The following PARD3B variants were observed in gnomAD, a reference collection of about 807,000 sequenced individuals.
The protein encoded by PARD3B is par-3 family cell polarity regulator beta, also known as partitioning defective 3 homolog B.
A neutral mutation model predicts 130.2 loss-of-function variants in PARD3B; 103 were observed. That is an observed-to-expected ratio of 0.79 (90% confidence interval 0.67 to 0.93). PARD3B has a LOEUF of 0.93. Among genes scored for constraint, PARD3B ranks in the 40% least tolerant of loss-of-function variants. PARD3B has a pLI of 0.00. For missense variants in PARD3B, 1,609 were observed against 1,499.2 expected, an observed-to-expected ratio of 1.07 and a Z score of -1.21; for synonymous variants, 583 against 553.2, an observed-to-expected ratio of 1.05 and a Z score of -0.76.
At chr2:205,344,877 G>C (rs554538585) in intron 18 of PARD3B, among the ~76,000 whole-genome samples, 77 of 152,280 alleles carry the variant, frequency 5.1e-4, no homozygotes, top group African/African-American at 1.8e-3. Context: ...TATTCTAAAA[G>C]CTCACGTCTG....
intron 1 of PARD3B, among the ~76,000 whole-genome samples, chr2:204,635,892 C>A (rs938809915): frequency 1.2e-4 from 18 of 152,146 alleles, no homozygotes; most frequent in African/African-American, 3.9e-4. Flanking sequence ...AACCACTATA[C>A]TTTTGATTAG....
At chr2:204,855,304 G>GA (rs756243415) in intron 2 of PARD3B, among the ~76,000 whole-genome samples, 1 of 152,028 alleles carries the variant, frequency 6.6e-6, no homozygotes, top group Non-Finnish European at 1.5e-5. Context: ...CAGCACTTTG[G>GA]GAGGCCAAGC....
intron 15 of PARD3B, among the ~76,000 whole-genome samples, chr2:205,206,270 G>C (rs10190811): frequency 0.46 from 67,659 of 146,016 alleles, 15,878 homozygotes; most frequent in Admixed American, 0.54. Context: ...CATTGTGCAG[G>C]TTAGTTACAC....
In PARD3B at chr2:205,049,885, G is replaced by T. The variant is rs182112493; in HGVS notation, c.504+2195G>T. Among the ~76,000 whole-genome samples, 686 of 152,252 alleles carry T rather than the reference G, an allele frequency of 4.5e-3. 3 individuals carry two copies. Among genetic ancestry groups the T allele is most frequent in the Non-Finnish European group, 7.6e-3 (515 of 68,030 alleles). Reference sequence around the variant, plus strand: ...TCCTTTCCTCATAGTGTCCTCTGTGGATGATGGAGTGCAGACCACAGACCC... The same window carrying T: ...TCCTTTCCTCATAGTGTCCTCTGTGTATGATGGAGTGCAGACCACAGACCC... On this transcript the variant is annotated intron_variant, in intron 4 of 22. Transcript: ENST00000406610.
At chr2:205,497,858 T>A (rs1188208385) in intron 20 of PARD3B, among the ~76,000 whole-genome samples, 1 of 152,076 alleles carries the variant, frequency 6.6e-6, no homozygotes, top group Non-Finnish European at 1.5e-5. Flanking sequence ...TATGCTTCTG[T>A]CATTATTAGA....
intron 1 of PARD3B, among the ~76,000 whole-genome samples, chr2:204,634,556 G>C (rs2034804037): frequency 6.6e-6 from 1 of 151,900 alleles, no homozygotes; most frequent in Non-Finnish European, 1.5e-5. Flanking sequence ...CCTCCTTTTT[G>C]ATCTTGCAAT....
chr2:205,610,699 C>A (rs1251232026), intron 22 of PARD3B, among the ~76,000 whole-genome samples: 1 of 152,152 alleles, frequency 6.6e-6, no homozygotes, highest in Non-Finnish European at 1.5e-5. Flanking sequence ...AATAAAATAA[C>A]CTCTACCCTG....
rs2035939890 is a variant in PARD3B at position 205,183,817 on chromosome 2, CA to C, written c.1925-1946del. ...GAATTGGCTCACATGGCCATGGAGA[CA>C]GGCACATCCCAGGATCTGCAGGATG... is the stretch of plus-strand genomic sequence containing the variant. On this transcript the variant is annotated intron_variant, in intron 13 of 22. Coordinates refer to ENST00000406610, the MANE Select transcript of PARD3B (RefSeq NM_001302769.2). The surrounding 1 kb of genome is among the most constrained non-coding windows in gnomAD (Gnocchi z 5.2). Among the ~76,000 whole-genome samples, 1 of 150,614 alleles carries C rather than the reference CA, an allele frequency of 6.6e-6. No individual in the cohort carries two copies. Among genetic ancestry groups the C allele is most frequent in the Non-Finnish European group, 1.5e-5 (1 of 67,870 alleles).
intron 19 of PARD3B, among the ~76,000 whole-genome samples, chr2:205,414,069 T>G (rs2106064298): frequency 6.6e-6 from 1 of 152,238 alleles, no homozygotes; most frequent in East Asian, 1.9e-4. Flanking sequence ...GATTGTATTT[T>G]GGGGGCAGGC....
At chr2:204,953,449 A>AGAGAGAGG (rs1553566393) in intron 2 of PARD3B, among the ~76,000 whole-genome samples, 234 of 150,050 alleles carry the variant, frequency 1.6e-3, no homozygotes, top group African/African-American at 3.7e-3. Context: ...AGAGAGAGAG[A>AGAGAGAGG]GAGAGAGAGA....
intron 3 of PARD3B, among the ~76,000 whole-genome samples, chr2:205,004,378 A>G (rs1363765540): frequency 1.3e-5 from 2 of 152,072 alleles, no homozygotes; most frequent in South Asian, 4.1e-4. Context: ...ACCAGGTATT[A>G]TTTTTTTTAG....
chr2:204,833,500 C>T (rs1209494239), intron 2 of PARD3B, among the ~76,000 whole-genome samples: 1 of 151,986 alleles, frequency 6.6e-6, no homozygotes, highest in Non-Finnish European at 1.5e-5. Flanking sequence ...CCACCCAATT[C>T]TTATCTTGAA....
chr2:204,712,881 A>G (rs951465297), intron 2 of PARD3B, among the ~76,000 whole-genome samples: 1 of 152,158 alleles, frequency 6.6e-6, no homozygotes, highest in East Asian at 1.9e-4. Flanking sequence ...TTCCATATGT[A>G]TATATCCCTA....
intron 3 of PARD3B, among the ~76,000 whole-genome samples, chr2:204,980,638 T>G (rs1475106919): frequency 6.6e-6 from 1 of 152,190 alleles, no homozygotes; most frequent in African/African-American, 2.4e-5. Flanking sequence ...GCATTTCACC[T>G]CAATGGTATT....
intron 2 of PARD3B, among the ~76,000 whole-genome samples, chr2:204,808,777 G>A (rs527958063): frequency 1.3e-5 from 2 of 152,106 alleles, no homozygotes; most frequent in Non-Finnish European, 2.9e-5. Flanking sequence ...ATTGTGAATA[G>A]TGTTGCAAAG....
At position 205,168,288 on chromosome 2, in the gene PARD3B, G is replaced by GGAGAGAGAGAGAGA. The variant is rs761018109; in HGVS notation, c.1621-3903_1621-3890dup. 9.9e-4 allele frequency among the ~76,000 whole-genome samples: 125 copies of GGAGAGAGAGAGAGA among 126,880 alleles called. 1 individual carries two copies. The highest frequency in any genetic ancestry group is 2.5e-3 in the South Asian group (9 of 3,626). The allele number at this position is 126,880 out of a possible 152,430, so 83.2% of individuals were successfully genotyped here. ...AGAGGAAGAAAAAGGGGTGAGAAAG[G>GGAGAGAGAGAGAGA]GAGAGAGAGAGAGAGAGAGAGAGAG... On this transcript the variant is annotated intron_variant, in intron 11 of 22. Coordinates refer to ENST00000406610, the MANE Select transcript of PARD3B (RefSeq NM_001302769.2).
chr2:205,330,523 G>A (rs1031779856), intron 18 of PARD3B, among the ~76,000 whole-genome samples: 2 of 152,166 alleles, frequency 1.3e-5, no homozygotes, highest in African/African-American at 4.8e-5. Context: ...ACCTGACTCT[G>A]TAGCTCCAGG....
At chr2:205,555,131 G>C (rs893856431) in intron 22 of PARD3B, among the ~76,000 whole-genome samples, 6 of 152,058 alleles carry the variant, frequency 3.9e-5, no homozygotes, top group African/African-American at 1.4e-4. Context: ...TTATGAGAGG[G>C]AGTAAAAAAA....
Position 205,008,822 on chromosome 2 carries a change from A to G in PARD3B, c.395-38759A>G, listed in dbSNP as rs530828506. On this transcript the variant is annotated intron_variant, in intron 3 of 22. Coordinates refer to ENST00000406610, the MANE Select transcript of PARD3B (RefSeq NM_001302769.2). ...AACAGTCCTCATTTTAGAGATGACAATCTGTGTGTCAAAGAGGCTAAGTGA... is the reference window on the plus strand; with the variant it reads ...AACAGTCCTCATTTTAGAGATGACAGTCTGTGTGTCAAAGAGGCTAAGTGA... Among the ~76,000 whole-genome samples the G allele has an allele frequency of 4.6e-4, 70 of 152,330 alleles. No homozygotes were observed. The South Asian group carries it at 0.013, about 29-fold the overall frequency.
Sources: gnomAD v4.1 joint callset for allele counts (sites outside exome capture counted in the v4.1 genomes callset) on GRCh38, gnomAD v4.1.1 for gene constraint, Gnocchi (gnomAD v3.1) non-coding constraint, MANE v1.5 for transcripts, NCBI Gene and HGNC (gene_info 2026-07-23, HGNC 2026-07-21) for gene names.